NECTIN3: variants seen among roughly 807,000 people sequenced by gnomAD.
The protein encoded by NECTIN3 is nectin cell adhesion molecule 3, also known as nectin-3.
A neutral mutation model predicts 49.4 loss-of-function variants in NECTIN3; 8 were observed. The observed-to-expected ratio is 0.16, with a 90% CI of 0.10 to 0.29. The LOEUF is 0.29. Ranked by LOEUF, NECTIN3 falls within the 10% of genes least tolerant of loss-of-function variation. NECTIN3 has a pLI of 1.00. For synonymous variants in NECTIN3, 277 were observed against 241.1 expected, an observed-to-expected ratio of 1.15 and a Z score of -1.38; for missense variants, 581 against 654.6, an observed-to-expected ratio of 0.89 and a Z score of 1.23.
chr3:111,111,899 A>ATGTGTG lies in NECTIN3; in HGVS notation c.161-101_161-96dup, dbSNP rs10581136. On this transcript the variant is annotated intron_variant, in intron 1 of 5. Coordinates refer to ENST00000485303, the MANE Select transcript of NECTIN3 (RefSeq NM_015480.3). ...TGTGAGTGCATGTGTGTGTGTGTGC[A>ATGTGTG]TGTGTGTGTGTGTGTGTGTGTGTGT... The ATGTGTG allele has an allele frequency of 3.1e-4, 183 of 581,364 alleles. 1 individual carries two copies. The highest frequency in any genetic ancestry group is 3.0e-3 in the African/African-American group (154 of 52,184). The allele number at this position is 581,364 out of a possible 1,614,324, so 36.0% of individuals were successfully genotyped here.
intron 1 of NECTIN3, among the ~76,000 whole-genome samples, chr3:111,078,244 T>A (rs2031358155): frequency 1.3e-5 from 2 of 152,172 alleles, no homozygotes; most frequent in Non-Finnish European, 2.9e-5. Flanking sequence ...TAGAATGACA[T>A]TGCTCTTCCT....
intron 7 of NECTIN3, among the ~76,000 whole-genome samples, chr3:111,176,451 T>A (rs2035529692): frequency 6.6e-6 from 1 of 152,162 alleles, no homozygotes; most frequent in Non-Finnish European, 1.5e-5. Context: ...CACTTAAAAC[T>A]TTAGTGTCTT....
At chr3:111,150,128 G>A (rs1266138579) in intron 7 of NECTIN3, among the ~76,000 whole-genome samples, 2 of 151,972 alleles carry the variant, frequency 1.3e-5, no homozygotes, top group East Asian at 3.9e-4. Flanking sequence ...TTTAATCTTA[G>A]AAATCATGAT....
chr3:111,156,195 T>A (rs2035094453), intron 7 of NECTIN3, among the ~76,000 whole-genome samples: 1 of 152,230 alleles, frequency 6.6e-6, no homozygotes, highest in African/African-American at 2.4e-5. Context: ...CTCTCTAAGA[T>A]ACTTCTCTAG....
exon 7 of NECTIN3, chr3:111,147,427 A>G (rs1251878571): frequency 2.6e-6 from 4 of 1,533,272 alleles, no homozygotes; most frequent in Admixed American, 3.9e-5. Flanking sequence ...CCACACATAA[A>G]CCACCTCCTC....
chr3:111,154,306 T>C (rs1446963154), intron 7 of NECTIN3, among the ~76,000 whole-genome samples: 2 of 152,216 alleles, frequency 1.3e-5, no homozygotes, highest in African/African-American at 4.8e-5. Flanking sequence ...TCTTTCACTC[T>C]ACATAGTGAT....
intron 1 of NECTIN3, among the ~76,000 whole-genome samples, chr3:111,102,649 A>G (rs111338102): frequency 3.3e-5 from 5 of 152,218 alleles, no homozygotes; most frequent in Admixed American, 1.3e-4. Context: ...TTTAATTTAA[A>G]TGAAGCCTAG....
At chr3:111,178,610 CTT>C (rs1016019530) in intron 7 of NECTIN3, among the ~76,000 whole-genome samples, 1 of 152,192 alleles carries the variant, frequency 6.6e-6, no homozygotes, top group African/African-American at 2.4e-5. Flanking sequence ...GGTGAAGTAA[CTT>C]AGACTCGTAC....
chr3:111,118,248 C>CTATATATATA (rs34878535), intron 2 of NECTIN3, among the ~76,000 whole-genome samples: 6,401 of 77,532 alleles, frequency 0.083, 473 homozygotes, highest in Non-Finnish European at 0.1. Flanking sequence ...TAAAATGAAG[C>CTATATATATA]TATATATATA....
At chr3:111,123,253 G>T (rs1331632605) in intron 4 of NECTIN3, among the ~76,000 whole-genome samples, 1 of 151,936 alleles carries the variant, frequency 6.6e-6, no homozygotes, top group African/African-American at 2.4e-5. Context: ...TCTTCCCAGG[G>T]ATACTAGAAT....
At chr3:111,094,420 C>G (rs2032467584) in intron 1 of NECTIN3, among the ~76,000 whole-genome samples, 1 of 152,032 alleles carries the variant, frequency 6.6e-6, no homozygotes. Flanking sequence ...TTTTGCCTTT[C>G]TGTGCTTTTT....
At chr3:111,158,649 G>C (rs1238173340) in intron 7 of NECTIN3, among the ~76,000 whole-genome samples, 3 of 152,098 alleles carry the variant, frequency 2.0e-5, no homozygotes, top group Admixed American at 6.5e-5. Context: ...GATATGAACT[G>C]CATGTATGAT....
chr3:111,081,767 T>G (rs2031620383), intron 1 of NECTIN3, among the ~76,000 whole-genome samples: 1 of 152,162 alleles, frequency 6.6e-6, no homozygotes, highest in Admixed American at 6.5e-5. Context: ...TGTTCCAACT[T>G]AAAGACCACT....
downstream of NECTIN3, among the ~76,000 whole-genome samples, chr3:111,138,934 G>A (rs1168871294): frequency 1.3e-5 from 2 of 151,490 alleles, no homozygotes; most frequent in Non-Finnish European, 3.0e-5. Flanking sequence ...GCCAAAGGTA[G>A]GATCTAGGTG....
At chr3:111,090,679 G>T (rs976643559) in intron 1 of NECTIN3, among the ~76,000 whole-genome samples, 5 of 84,240 alleles carry the variant, frequency 5.9e-5, no homozygotes, top group Non-Finnish European at 1.5e-4. Context: ...TCTGTAGTTC[G>T]TTTTTTCATG....
upstream of NECTIN3, among the ~76,000 whole-genome samples, chr3:111,191,509 A>G (rs1050892022): frequency 6.6e-6 from 1 of 151,690 alleles, no homozygotes; most frequent in Non-Finnish European, 1.5e-5. Context: ...CTGAAGGGTA[A>G]GTCATGTGTT....
rs533861562 is a variant in NECTIN3, at chr3:111,089,061, C to T, written c.160+16884C>T. 6.8e-4 allele frequency among the ~76,000 whole-genome samples: 104 copies of T among 152,146 alleles called. No homozygotes were observed. The Middle Eastern group carries it at 0.01, about 15-fold the overall frequency. ...TTTGTGGGAATTTGTCAACTTCATG[C>T]TTTCAAATCTTTTGACAAAAAAATT... is the stretch of plus-strand genomic sequence containing the variant. On this transcript the variant is annotated intron_variant, in intron 1 of 5. Coordinates refer to ENST00000485303, the MANE Select transcript of NECTIN3 (RefSeq NM_015480.3).
chr3:111,085,325 A>G (rs2031862497), intron 1 of NECTIN3, among the ~76,000 whole-genome samples: 1 of 152,232 alleles, frequency 6.6e-6, no homozygotes, highest in African/African-American at 2.4e-5. Flanking sequence ...TTTAGGCTTG[A>G]TTAAAGTCAA....
chr3:111,168,114 A>G (rs79862275), intron 7 of NECTIN3, among the ~76,000 whole-genome samples: 2,133 of 152,302 alleles, frequency 0.014, 16 homozygotes, highest in Non-Finnish European at 0.02. Context: ...CATTTCAGAT[A>G]TTCAGATTAG....
Sources: gnomAD v4.1 joint callset for allele counts (sites outside exome capture counted in the v4.1 genomes callset) on GRCh38, gnomAD v4.1.1 for gene constraint, MANE v1.5 for transcripts, NCBI Gene and HGNC (gene_info 2026-07-23, HGNC 2026-07-21) for gene names.